The following ZNF131 variants were observed in gnomAD, a reference collection of about 807,000 sequenced individuals.
ZNF131 encodes the protein zinc finger and BTB domain containing 35.
ZNF131 carries 7 observed loss-of-function variants against 60.0 expected under a neutral mutation model. That is an observed-to-expected ratio of 0.12 (90% CI 0.07 to 0.22). ZNF131 has a LOEUF of 0.22. ZNF131 is among the 10% of genes least tolerant of loss of function. The pLI is 1.00. For missense variants in ZNF131, 493 were observed against 740.9 expected (o/e 0.67, Z 3.88); for synonymous variants, 257 against 253.2 (o/e 1.01, Z -0.14).
intron 3 of ZNF131, among the ~76,000 whole-genome samples, chr5:43,130,776 G>T (rs376336010): frequency 6.6e-6 from 1 of 152,006 alleles, no homozygotes; most frequent in Admixed American, 6.6e-5. Flanking sequence ...ATGTTGGTCA[G>T]GCTGATCTCG....
At chr5:43,138,621 C>T (rs774568351) in intron 3 of ZNF131, among the ~76,000 whole-genome samples, 3 of 152,068 alleles carry the variant, frequency 2.0e-5, no homozygotes, top group Non-Finnish European at 4.4e-5. Flanking sequence ...TGCACTCCAG[C>T]CTGGGCAACA....
chr5:43,145,215 A>G (rs1486605483), intron 4 of ZNF131, among the ~76,000 whole-genome samples: 1 of 152,142 alleles, frequency 6.6e-6, no homozygotes, highest in African/African-American at 2.4e-5. Context: ...TCAGTTGTGA[A>G]TACAGGCTGG....
intron 5 of ZNF131, among the ~76,000 whole-genome samples, chr5:43,169,409 C>T (rs1201070983): frequency 6.6e-6 from 1 of 152,230 alleles, no homozygotes; most frequent in African/African-American, 2.4e-5. Flanking sequence ...TCAGGTAGAT[C>T]TCTTGAAGTA....
chr5:43,150,109 G>A (rs1045305949), intron 4 of ZNF131, among the ~76,000 whole-genome samples: 3 of 152,174 alleles, frequency 2.0e-5, no homozygotes, highest in Admixed American at 1.3e-4. Context: ...GCCTAGGTGT[G>A]TACCGTGCTC....
intron 5 of ZNF131, among the ~76,000 whole-genome samples, chr5:43,172,483 G>A (rs1383631939): frequency 2.6e-5 from 4 of 152,248 alleles, no homozygotes; most frequent in South Asian, 4.1e-4. Flanking sequence ...ATAGCCGGGC[G>A]TGCTGGCGCA....
At chr5:43,133,232 G>A (rs1165079066) in intron 3 of ZNF131, among the ~76,000 whole-genome samples, 5 of 152,146 alleles carry the variant, frequency 3.3e-5, no homozygotes, top group Non-Finnish European at 5.9e-5. Flanking sequence ...TTGGGAGGCC[G>A]AGGTGGACGG....
chr5:43,129,595 C>T (rs1411736824), intron 3 of ZNF131, among the ~76,000 whole-genome samples: 1 of 152,174 alleles, frequency 6.6e-6, no homozygotes, highest in Non-Finnish European at 1.5e-5. Context: ...ATAAAGATGA[C>T]ATAGCCCCAT....
At chr5:43,171,389 C>T (rs554890887) in intron 5 of ZNF131, among the ~76,000 whole-genome samples, 1 of 152,102 alleles carries the variant, frequency 6.6e-6, no homozygotes, top group Non-Finnish European at 1.5e-5. Context: ...TGCCCATCAA[C>T]AAATAAATAA....
At chr5:43,141,252 T>C (rs1746786618) in intron 4 of ZNF131, among the ~76,000 whole-genome samples, 1 of 152,176 alleles carries the variant, frequency 6.6e-6, no homozygotes, top group Non-Finnish European at 1.5e-5. Context: ...ATCAGTACTC[T>C]TGCAGAGAGA....
intron 3 of ZNF131, among the ~76,000 whole-genome samples, chr5:43,134,693 C>CTTTTTTTTTTTTTTTTTTTTTTT (rs149464238): frequency 1.1e-5 from 1 of 88,408 alleles, no homozygotes; most frequent in African/African-American, 4.5e-5. Flanking sequence ...TTCTTTTTTT[C>CTTTTTTTTTTTTTTTTTTTTTTT]TTTTTTTTTT....
At chr5:43,139,880 C>G (rs1365896544) in intron 4 of ZNF131, among the ~76,000 whole-genome samples, 2 of 152,088 alleles carry the variant, frequency 1.3e-5, no homozygotes, top group Non-Finnish European at 2.9e-5. Flanking sequence ...TGCTGAGGAG[C>G]CATTCCTATT....
At chr5:43,145,555 A>G (rs1747473038) in intron 4 of ZNF131, among the ~76,000 whole-genome samples, 2 of 152,102 alleles carry the variant, frequency 1.3e-5, no homozygotes, top group African/African-American at 4.8e-5. Flanking sequence ...CACAAGGCTG[A>G]GGCAGGAGAA....
Position 43,123,185 on chromosome 5 carries a change from CTTTTT to C in ZNF131, c.125-19_125-15del. The C allele has an allele frequency of 2.0e-6, 3 of 1,530,882 alleles. No homozygotes were observed. The highest frequency in any genetic ancestry group is 2.6e-6 in the Non-Finnish European group (3 of 1,135,002). 94.8% of individuals were successfully genotyped at this position (1,530,882 alleles called of 1,614,324 possible). A position where few individuals can be genotyped will look rare whatever the true frequency, so the allele number is the denominator to read the frequency against. ...GATTTTCGTGCTTGTGTATGATTTT[CTTTTT>C]TTTTCTTATTTTACCTAGGACACCA... On this transcript the variant is annotated intron_variant, in intron 2 of 6. Transcript: ENST00000682664.
At chr5:43,130,418 C>G (rs67756718) in intron 3 of ZNF131, among the ~76,000 whole-genome samples, 11,990 of 152,028 alleles carry the variant, frequency 0.079, 654 homozygotes, top group Non-Finnish European at 0.12. Context: ...AAAGTAAGAG[C>G]AGATTCAAAA....
chr5:43,134,949 C>T (rs544873997), intron 3 of ZNF131, among the ~76,000 whole-genome samples: 5 of 151,920 alleles, frequency 3.3e-5, no homozygotes, highest in African/African-American at 9.7e-5. Flanking sequence ...CCATCCACCT[C>T]AGCCTCCGAA....
intron 2 of ZNF131, 97 bp downstream of exon 2, chr5:43,122,274 C>T (rs1382293076): frequency 9.4e-6 from 12 of 1,272,540 alleles, no homozygotes; most frequent in Non-Finnish European, 1.3e-5. Flanking sequence ...TTTTTTAACC[C>T]ATCCTCTATG....
intron 4 of ZNF131, among the ~76,000 whole-genome samples, chr5:43,160,798 C>CT (rs1369171387): frequency 6.6e-6 from 1 of 151,050 alleles, no homozygotes; most frequent in Non-Finnish European, 1.5e-5. Flanking sequence ...ATTCTCCTGC[C>CT]TCAGCCTGCC....
intron 4 of ZNF131, among the ~76,000 whole-genome samples, chr5:43,150,272 C>T (rs951363872): frequency 6.6e-6 from 1 of 152,186 alleles, no homozygotes; most frequent in Non-Finnish European, 1.5e-5. Context: ...TGGAAGAGGA[C>T]AGGCTCTGTT....
intron 5 of ZNF131, among the ~76,000 whole-genome samples, chr5:43,162,910 G>GA (rs200731861): frequency 0.018 from 1,194 of 66,658 alleles, 21 homozygotes; most frequent in African/African-American, 0.057. Flanking sequence ...TGTCTCAAGG[G>GA]AAAAAAAAAA....
Sources: gnomAD v4.1 joint callset for allele counts (sites outside exome capture counted in the v4.1 genomes callset) on GRCh38, gnomAD v4.1.1 for gene constraint, MANE v1.5 for transcripts, NCBI Gene and HGNC (gene_info 2026-07-23, HGNC 2026-07-21) for gene names.